PIGW: variants seen among roughly 807,000 people sequenced by gnomAD.
PIGW encodes the protein glucosaminyl-phosphatidylinositol-acyltransferase PIGW.
PIGW carries 23 observed loss-of-function variants against 34.0 expected under a neutral mutation model. The ratio of observed to expected loss-of-function variants is 0.68; its 90% CI spans 0.49 to 0.96. PIGW has a LOEUF of 0.96. Among genes scored for constraint, PIGW ranks in the 40% least tolerant of loss-of-function variants. The pLI, the probability that PIGW is intolerant of heterozygous loss-of-function variation, is 0.00. For missense variants in PIGW, 574 were observed against 586.3 expected (o/e 0.98, Z 0.22); for synonymous variants, 225 against 225.2 (o/e 1.00, Z 0.01).
In PIGW at chr17:36,537,099, A is replaced by C; in HGVS notation, c.-3A>C. The stretch of plus-strand genomic sequence containing the variant: ...CTTTGCTCTTGTTTTCACAGGAAGA[A>C]AAATGTCTGAAAAGCAGATGAAGGA... On this transcript the variant is annotated 5_prime_UTR_variant, in exon 2 of 2. Transcript: ENST00000614443. 2.5e-6 allele frequency: 4 copies of C among 1,579,846 alleles called. No homozygotes were observed. The highest frequency in any genetic ancestry group is 3.4e-6 in the Non-Finnish European group (4 of 1,165,116).
chr17:36,535,826 C>CT lies in PIGW; in HGVS notation c.-9+247dup, dbSNP rs77584694. On this transcript the variant is annotated intron_variant, in intron 1 of 1. Coordinates refer to ENST00000614443, the MANE Select transcript of PIGW (RefSeq NM_001346754.2). Reference sequence around the variant, plus strand: ...CACGCTCAGCTAATTTTTAATTTTTCTTTTTTTTTTTTTCACTCCTGGCCT... The same window carrying CT: ...CACGCTCAGCTAATTTTTAATTTTTCTTTTTTTTTTTTTTCACTCCTGGCCT... 1.1e-3 allele frequency among the ~76,000 whole-genome samples: 156 copies of CT among 143,684 alleles called. 1 individual carries two copies. Among genetic ancestry groups the CT allele is most frequent in the African/African-American group, 1.9e-3 (77 of 39,490 alleles). The allele number at this position is 143,684 out of a possible 152,430, so 94.3% of individuals were successfully genotyped here.
chr17:36,538,543 ATC>A lies in PIGW; in HGVS notation c.1446_1447del (p.Met484ValfsTer15), dbSNP rs1223732394. On this transcript the variant is annotated frameshift_variant, in exon 2 of 2. Coordinates refer to ENST00000614443, the MANE Select transcript of PIGW (RefSeq NM_001346754.2). LOFTEE classifies it high-confidence loss of function. ...ACCTTGTGGGCCTTATTTGTGGTCA[ATC>A]TCTATATGTTTTCCAACTGTTTAAT... 1 of 1,613,702 alleles carries A rather than the reference ATC, an allele frequency of 6.2e-7. No individual in the cohort carries two copies. The highest frequency in any genetic ancestry group is 8.5e-7 in the Non-Finnish European group (1 of 1,179,744).
Position 36,537,648 on chromosome 17 carries a change from C to T in PIGW, c.547C>T (p.Leu183=). The change falls in exon 2 of 2, where the codon CTA becomes TTA. Residue 183 remains leucine, a synonymous_variant. Coordinates refer to ENST00000614443, the MANE Select transcript of PIGW (RefSeq NM_001346754.2). ...GFVFGSAMVC[L]EVRRRKYMEG... ...TGTTTTTGGGTCTGCAATGGTTTGT[C>T]TAGAGGTCAGGAGGAGAAAATATAT... is the stretch of plus-strand genomic sequence containing the variant. 6.2e-7 allele frequency: 1 copy of T among 1,614,096 alleles called. No individual in the cohort carries two copies. The highest frequency in any genetic ancestry group is 8.5e-7 in the Non-Finnish European group (1 of 1,180,016).
In PIGW at chr17:36,537,638, A is replaced by G. The variant is rs747729830; in HGVS notation, c.537A>G (p.Ala179=). The G allele has an allele frequency of 1.9e-6, 3 of 1,614,122 alleles. No homozygotes were observed. The Admixed American group carries it at 5.0e-5, about 27-fold the overall frequency. ...TAGGTGGCTTTGTTTTTGGGTCTGC[A>G]ATGGTTTGTCTAGAGGTCAGGAGGA... ...FGVGGFVFGS[A]MVCLEVRRRK... Residue 179 remains alanine, a synonymous_variant, in exon 2 of 2, where the codon GCA becomes GCG. Coordinates refer to ENST00000614443, the MANE Select transcript of PIGW (RefSeq NM_001346754.2).
Position 36,537,306 on chromosome 17 carries a change from G to A in PIGW, c.205G>A (p.Val69Ile). 1 of 1,613,370 alleles carries A rather than the reference G, an allele frequency of 6.2e-7. No homozygotes were observed. Among genetic ancestry groups the A allele is most frequent in the Non-Finnish European group, 8.5e-7 (1 of 1,179,960 alleles). Residue 69 changes from valine to isoleucine, a missense_variant, in exon 2 of 2, where the codon GTA becomes ATA. By Grantham distance (29) the Val-to-Ile change is conservative. Transcript: ENST00000614443. ...CTTTGTTGTCCTAATAGTTCCCATG[G>A]TAGCCACTTTGACCATTTGGGCTTC... ...TDFVVLIVPM[V>I]ATLTIWASFI...
chr17:36,537,424 C>T lies in PIGW; in HGVS notation c.323C>T (p.Pro108Leu). 3 of 1,614,112 alleles carry T rather than the reference C, an allele frequency of 1.9e-6. No homozygotes were observed. Among genetic ancestry groups the T allele is most frequent in the Non-Finnish European group, 2.5e-6 (3 of 1,180,026 alleles). The change falls in exon 2 of 2, where the codon CCT (proline) becomes CTT (leucine). Residue 108 changes from proline (P) to leucine (L), a missense_variant. Pro to Leu is a moderately conservative substitution (Grantham distance 98). Coordinates refer to ENST00000614443, the MANE Select transcript of PIGW (RefSeq NM_001346754.2). ...AGGAGGACCTGCTATGCCAGACTGCCTTTCCTAAAAATCCTTGAAAAATTC... is the reference window on the plus strand; with the variant it reads ...AGGAGGACCTGCTATGCCAGACTGCTTTTCCTAAAAATCCTTGAAAAATTC... ...YRRRTCYARL[P>L]FLKILEKFLN...
rs1415653353 is a variant in PIGW, at chr17:36,538,091, A to G, written c.990A>G (p.Arg330=). ...VQTGLYMHKN[R]SHIKDLIKVA... ...CAGGGTTATATATGCATAAGAACCG[A>G]TCACATATCAAAGACTTGATAAAAG... Residue 330 remains arginine, a synonymous_variant, in exon 2 of 2, where the codon CGA becomes CGG. Transcript: ENST00000614443. The G allele has an allele frequency of 1.2e-6, 2 of 1,614,130 alleles. No homozygotes were observed. The highest frequency in any genetic ancestry group is 1.7e-5 in the Admixed American group (1 of 60,010).
At chr17:36,535,911 C>CT (rs139222603) in intron 1 of PIGW, among the ~76,000 whole-genome samples, 10,709 of 151,992 alleles carry the variant, frequency 0.07, 635 homozygotes, top group African/African-American at 0.16. Flanking sequence ...CTTCTCTCGG[C>CT]TAGGACTTTT....
In PIGW at chr17:36,538,123, G is replaced by A; in HGVS notation, c.1022G>A (p.Cys341Tyr). The change falls in exon 2 of 2, where the codon TGT becomes TAT. Residue 341 changes from cysteine to tyrosine, a missense_variant. Transcript: ENST00000614443. ...SHIKDLIKVA[C>Y]FLLLAAISLF... Reference sequence around the variant, plus strand: ...ATCAAAGACTTGATAAAAGTAGCCTGTTTTCTTTTACTGGCAGCTATTAGC... The same window carrying A: ...ATCAAAGACTTGATAAAAGTAGCCTATTTTCTTTTACTGGCAGCTATTAGC... 1 of 1,614,146 alleles carries A rather than the reference G, an allele frequency of 6.2e-7. No homozygotes were observed. Among genetic ancestry groups the A allele is most frequent in the Non-Finnish European group, 8.5e-7 (1 of 1,180,028 alleles).
intron 1 of PIGW, 95 bp downstream of exon 1, chr17:36,535,687 T>G (rs964896302): frequency 1.3e-5 from 2 of 152,352 alleles, no homozygotes; most frequent in African/African-American, 4.8e-5. Context: ...AGACGGAGTC[T>G]CGCTCTGTCG....
chr17:36,538,169 A>G lies in PIGW; in HGVS notation c.1068A>G (p.Val356=), dbSNP rs781391447. The change falls in exon 2 of 2, where the codon GTA becomes GTG. Residue 356 remains valine, a synonymous_variant. Coordinates refer to ENST00000614443, the MANE Select transcript of PIGW (RefSeq NM_001346754.2). ...AAISLFISLY[V]VQVNVEAVSR... ...TTAGCCTCTTCATATCTCTTTACGT[A>G]GTTCAAGTAAATGTAGAAGCAGTAT... The G allele has an allele frequency of 3.5e-5, 56 of 1,613,808 alleles. No homozygotes were observed. The highest frequency in any genetic ancestry group is 4.4e-5 in the Non-Finnish European group (52 of 1,180,014).
Position 36,535,231 on chromosome 17 carries a change from G to C in PIGW, c.-370G>C, listed in dbSNP as rs988383841. The C allele has an allele frequency of 6.6e-6, 1 of 151,992 alleles. No homozygotes were observed. Among genetic ancestry groups the C allele is most frequent in the Admixed American group, 6.5e-5 (1 of 15,274 alleles). The allele number at this position is 151,992 out of a possible 1,614,324, so 9.4% of individuals were successfully genotyped here. ...GCGAGTGCGGCGGAGTGTTGTGCGA[G>C]GCCGGCGGACACCATTACCCTGATA... is the stretch of plus-strand genomic sequence containing the variant. On this transcript the variant is annotated 5_prime_UTR_variant, in exon 1 of 2. Transcript: ENST00000614443.
Position 36,537,371 on chromosome 17 carries a change from G to A in PIGW, c.270G>A (p.Gly90=). The A allele has an allele frequency of 6.2e-7, 1 of 1,613,200 alleles. No individual in the cohort carries two copies. The highest frequency in any genetic ancestry group is 8.5e-7 in the Non-Finnish European group (1 of 1,179,858). Residue 90 remains glycine, a synonymous_variant, in exon 2 of 2, where the codon GGG becomes GGA. Transcript: ENST00000614443. ...AGCTTCTCGGTGTAATTATCTTTGG[G>A]GCAGGGCTGTTGTATCAAATATACC... is the stretch of plus-strand genomic sequence containing the variant. The part of the protein sequence containing the change: ...LLELLGVIIF[G]AGLLYQIYRR...
rs1365727030 is a variant in PIGW, at chr17:36,537,398, A to AAGG, written c.302_304dup (p.Arg101dup). 1 of 1,613,990 alleles carries AAGG rather than the reference A, an allele frequency of 6.2e-7. No homozygotes were observed. The highest frequency in any genetic ancestry group is 1.1e-5 in the South Asian group (1 of 91,080). ...CAGGGCTGTTGTATCAAATATACCG[A>AAGG]AGGAGGACCTGCTATGCCAGACTGC... On this transcript the variant is annotated inframe_insertion, in exon 2 of 2. Transcript: ENST00000614443.
Position 36,537,778 on chromosome 17 carries a change from A to T in PIGW, c.677A>T (p.Gln226Leu). 6.2e-7 allele frequency: 1 copy of T among 1,614,182 alleles called. No homozygotes were observed. The highest frequency in any genetic ancestry group is 8.5e-7 in the Non-Finnish European group (1 of 1,180,000). Reference protein sequence around the residue: ...RLAIIKSIGYQEHLTEYGVHW... With the variant: ...RLAIIKSIGYLEHLTEYGVHW... ...GCCATTATAAAATCAATAGGCTATC[A>T]GGAACATTTAACAGAGTATGGAGTT... Residue 226 changes from glutamine to leucine, a missense_variant, in exon 2 of 2, where the codon CAG becomes CTG. Transcript: ENST00000614443.
chr17:36,537,118 T>G lies in PIGW; in HGVS notation c.17T>G (p.Met6Arg). Reference sequence around the variant, plus strand: ...GGAAGAAAAATGTCTGAAAAGCAGATGAAGGAAGCTTTTGTCAGTAACCTC... The same window carrying G: ...GGAAGAAAAATGTCTGAAAAGCAGAGGAAGGAAGCTTTTGTCAGTAACCTC... MSEKQ[M>R]KEAFVSNLNG... is the part of the protein sequence containing the mutation. The change falls in exon 2 of 2, where the codon ATG becomes AGG. Residue 6 changes from methionine to arginine, a missense_variant. Physicochemically the swap from Met to Arg is moderately conservative, Grantham distance 91. Coordinates refer to ENST00000614443, the MANE Select transcript of PIGW (RefSeq NM_001346754.2). 1 of 1,591,682 alleles carries G rather than the reference T, an allele frequency of 6.3e-7. No homozygotes were observed. Among genetic ancestry groups the G allele is most frequent in the South Asian group, 1.1e-5 (1 of 87,602 alleles).
At position 36,535,512 on chromosome 17, in the gene PIGW, C is replaced by A. The variant is rs1200783501; in HGVS notation, c.-89C>A. On this transcript the variant is annotated 5_prime_UTR_variant, in exon 1 of 2. Coordinates refer to ENST00000614443, the MANE Select transcript of PIGW (RefSeq NM_001346754.2). ...GCGGGAGGCGGAAGCGGCTGGTTCC[C>A]GCGTGGTTTGGCGGGTGCAGCGGCA... is the stretch of plus-strand genomic sequence containing the variant. 2.0e-5 allele frequency: 3 copies of A among 152,238 alleles called. No homozygotes were observed. The highest frequency in any genetic ancestry group is 7.2e-5 in the African/African-American group (3 of 41,458). The allele number at this position is 152,238 out of a possible 1,614,324, so 9.4% of individuals were successfully genotyped here.
chr17:36,538,275 G>C lies in PIGW; in HGVS notation c.1174G>C (p.Asp392His). Residue 392 changes from aspartate (D) to histidine (H), a missense_variant, in exon 2 of 2, where the codon GAT becomes CAT. Asp to His is a moderately conservative substitution (Grantham distance 81). Transcript: ENST00000614443. ...CCTTCTTAGTAGTTTATTACTGGGT[G>C]ATATAATTTTGAGTTTTGCCAAATT... The part of the protein sequence containing the change: ...LILLSSLLLG[D>H]IILSFAKFLI... 6.2e-7 allele frequency: 1 copy of C among 1,613,262 alleles called. No homozygotes were observed. The highest frequency in any genetic ancestry group is 8.5e-7 in the Non-Finnish European group (1 of 1,179,870).
In PIGW at chr17:36,537,155, C is replaced by A. The variant is rs529378174; in HGVS notation, c.54C>A (p.Thr18=). The A allele has an allele frequency of 3.1e-6, 5 of 1,612,970 alleles. No homozygotes were observed. The African/African-American group carries it at 6.7e-5, about 22-fold the overall frequency. ...TTGTCAGTAACCTCAATGGAACCACCGTGCTGGAAATCACCCAGGGATTGT... is the reference window on the plus strand; with the variant it reads ...TTGTCAGTAACCTCAATGGAACCACAGTGCTGGAAATCACCCAGGGATTGT... ...EAFVSNLNGT[T]VLEITQGLCF... is the part of the protein sequence containing the mutation. Residue 18 remains threonine (T), a synonymous_variant, in exon 2 of 2, where the codon ACC becomes ACA. Coordinates refer to ENST00000614443, the MANE Select transcript of PIGW (RefSeq NM_001346754.2).
Sources: gnomAD v4.1 joint callset for allele counts (sites outside exome capture counted in the v4.1 genomes callset) on GRCh38, gnomAD v4.1.1 for gene constraint, MANE v1.5 for transcripts, NCBI Gene and HGNC (gene_info 2026-07-23, HGNC 2026-07-21) for gene names.